ESRRG: variants seen among roughly 807,000 people sequenced by gnomAD.
ESRRG encodes estrogen related receptor gamma, also known as estrogen-related receptor gamma.
A neutral mutation model predicts 44.0 loss-of-function variants in ESRRG; 13 were observed. The ratio of observed to expected loss-of-function variants is 0.30; its 90% CI spans 0.19 to 0.47. The LOEUF (loss-of-function observed/expected upper bound fraction) is 0.47. Ranked by LOEUF, ESRRG falls within the 20% of genes least tolerant of loss-of-function variation. The pLI, the probability that ESRRG is intolerant of heterozygous loss-of-function variation, is 1.00. For synonymous variants in ESRRG, 215 were observed against 214.6 expected, an observed-to-expected ratio of 1.00 and a Z score of -0.02; for missense variants, 395 against 580.6, an observed-to-expected ratio of 0.68 and a Z score of 3.29.
chr1:216,695,076 G>A (rs1476699812), intron 1 of ESRRG, among the ~76,000 whole-genome samples: 3 of 152,086 alleles, frequency 2.0e-5, no homozygotes, highest in Non-Finnish European at 4.4e-5. Context: ...GTGGAAAAGA[G>A]AATGAAAAGA....
At chr1:217,064,247 T>C (rs1318437638) in intron 1 of ESRRG, among the ~76,000 whole-genome samples, 1 of 152,076 alleles carries the variant, frequency 6.6e-6, no homozygotes, top group Non-Finnish European at 1.5e-5. Context: ...GTGTTATGTG[T>C]ATATATACAT....
At chr1:217,108,876 A>G (rs1327532517) in intron 1 of ESRRG, among the ~76,000 whole-genome samples, 1 of 152,198 alleles carries the variant, frequency 6.6e-6, no homozygotes, top group Non-Finnish European at 1.5e-5. Context: ...GGCCTAACAC[A>G]GGATATGTTC....
intron 2 of ESRRG, among the ~76,000 whole-genome samples, chr1:216,888,924 G>A (rs1345138616): frequency 1.3e-5 from 2 of 152,104 alleles, no homozygotes; most frequent in African/African-American, 4.8e-5. Flanking sequence ...GAGGTAATGC[G>A]GCAAAGAATA....
intron 1 of ESRRG, among the ~76,000 whole-genome samples, chr1:217,052,450 G>A (rs17045085): frequency 0.055 from 8,386 of 152,210 alleles, 260 homozygotes; most frequent in Middle Eastern, 0.071. Flanking sequence ...ATCACTCCAC[G>A]TGAATTATTT....
At chr1:216,652,353 T>G (rs1372919786) in intron 2 of ESRRG, among the ~76,000 whole-genome samples, 1 of 152,232 alleles carries the variant, frequency 6.6e-6, no homozygotes, top group Non-Finnish European at 1.5e-5. Context: ...TTCTTCAGAC[T>G]GACGTCTCCT....
At chr1:216,929,086 C>T (rs891176266) in intron 2 of ESRRG, among the ~76,000 whole-genome samples, 2 of 151,904 alleles carry the variant, frequency 1.3e-5, no homozygotes, top group Non-Finnish European at 2.9e-5. Flanking sequence ...TTAGAAATGG[C>T]TAAAGTAGTT....
At chr1:216,941,926 A>G (rs939499649) in intron 1 of ESRRG, among the ~76,000 whole-genome samples, 17 of 152,174 alleles carry the variant, frequency 1.1e-4, no homozygotes, top group African/African-American at 4.1e-4. Context: ...TTTATTTTCA[A>G]TTTTAGATTC....
chr1:216,529,374 A>G (rs1427260616), intron 5 of ESRRG, among the ~76,000 whole-genome samples: 10 of 152,200 alleles, frequency 6.6e-5, no homozygotes, highest in Non-Finnish European at 1.0e-4. Context: ...AAAGATTATA[A>G]TTTTTCATTG....
chr1:216,816,781 C>A (rs1247695315), intron 2 of ESRRG, among the ~76,000 whole-genome samples: 1 of 152,058 alleles, frequency 6.6e-6, no homozygotes, highest in Non-Finnish European at 1.5e-5. Context: ...TGAAACAAGT[C>A]CCCCTAAAAA....
At chr1:217,028,842 G>A (rs1042236575) in intron 1 of ESRRG, among the ~76,000 whole-genome samples, 1 of 152,024 alleles carries the variant, frequency 6.6e-6, no homozygotes, top group Non-Finnish European at 1.5e-5. Flanking sequence ...CATTGAAAAA[G>A]CCTCTTCCCA....
rs79165917 is a variant in ESRRG at position 216,664,738 on chromosome 1, G to T, written c.472+12338C>A. ...AATAACCAAGCACTGAAAAGAATAC[G>T]AAGAAATTAGAACACTTGTGCTCTG... On this transcript the variant is annotated intron_variant, in intron 2 of 6. Coordinates refer to ENST00000408911, the MANE Select transcript of ESRRG (RefSeq NM_001438.4). 2.0e-5 allele frequency among the ~76,000 whole-genome samples: 3 copies of T among 149,196 alleles called. No individual in the cohort carries two copies. The East Asian group carries it at 5.9e-4, about 29-fold the overall frequency.
intron 1 of ESRRG, among the ~76,000 whole-genome samples, chr1:217,077,800 A>G (rs1356601467): frequency 6.6e-6 from 1 of 152,232 alleles, no homozygotes; most frequent in East Asian, 1.9e-4. Context: ...AACATTCCCC[A>G]AAGCTAACTT....
chr1:216,876,648 G>A (rs1475388465), intron 2 of ESRRG, among the ~76,000 whole-genome samples: 1 of 150,234 alleles, frequency 6.7e-6, no homozygotes, highest in Non-Finnish European at 1.5e-5. Flanking sequence ...TTGTACACTT[G>A]CATCTTATGG....
At chr1:216,989,702 A>C (rs1005298454) in intron 1 of ESRRG, among the ~76,000 whole-genome samples, 3 of 152,088 alleles carry the variant, frequency 2.0e-5, no homozygotes, top group African/African-American at 7.2e-5. Context: ...ACTTTCCTTC[A>C]TATTCAGAGA....
intron 1 of ESRRG, among the ~76,000 whole-genome samples, chr1:217,086,931 A>T (rs753000393): frequency 5.7e-5 from 7 of 122,784 alleles, no homozygotes; most frequent in Admixed American, 3.5e-4. Context: ...TTTTTTTTTT[A>T]AAAGACTAAA....
intron 2 of ESRRG, among the ~76,000 whole-genome samples, chr1:216,765,540 AAGTCCCCTGGGACTGTACTGAC>A (rs901791160): frequency 2.0e-5 from 3 of 152,102 alleles, no homozygotes; most frequent in Non-Finnish European, 4.4e-5. Context: ...CAAGTTTATC[AAGTCCCCTGGGACTGTACTGAC>A]AGTTATCCTG....
intron 2 of ESRRG, among the ~76,000 whole-genome samples, chr1:216,801,128 T>G (rs2094603525): frequency 6.6e-6 from 1 of 152,206 alleles, no homozygotes; most frequent in Non-Finnish European, 1.5e-5. Flanking sequence ...ACCTAAAATC[T>G]ACATTTTTAG....
At chr1:216,509,337 T>G (rs1481622250) in intron 6 of ESRRG, among the ~76,000 whole-genome samples, 1 of 152,226 alleles carries the variant, frequency 6.6e-6, no homozygotes, top group African/African-American at 2.4e-5. Context: ...ATGTAGAGTA[T>G]TCTCCTTGAT....
intron 3 of ESRRG, among the ~76,000 whole-genome samples, chr1:216,623,420 G>T (rs4567343): frequency 0.42 from 64,208 of 151,858 alleles, 14,661 homozygotes; most frequent in African/African-American, 0.6. Context: ...CATTTTTATC[G>T]CACTAAATTC....
Sources: gnomAD v4.1 joint callset for allele counts (sites outside exome capture counted in the v4.1 genomes callset) on GRCh38, gnomAD v4.1.1 for gene constraint, MANE v1.5 for transcripts, NCBI Gene and HGNC (gene_info 2026-07-23, HGNC 2026-07-21) for gene names.